The following SLC25A13 variants were observed in gnomAD, a reference collection of about 807,000 sequenced individuals.
The protein encoded by SLC25A13 is electrogenic aspartate/glutamate antiporter SLC25A13, mitochondrial.
SLC25A13 carries 70 observed loss-of-function variants against 85.5 expected under a neutral mutation model. The ratio of observed to expected loss-of-function variants is 0.82; its 90% CI spans 0.68 to 1.00. SLC25A13 has a LOEUF of 1.00. SLC25A13 is among the 50% of genes least tolerant of loss of function. The pLI, the probability that SLC25A13 is intolerant of heterozygous loss-of-function variation, is 0.00. For missense variants in SLC25A13, 765 were observed against 819.8 expected (o/e 0.93, Z 0.82); for synonymous variants, 259 against 288.7 (o/e 0.90, Z 1.04).
chr7:96,232,181 C>A (rs1310940245), intron 4 of SLC25A13, among the ~76,000 whole-genome samples: 7 of 152,038 alleles, frequency 4.6e-5, no homozygotes, highest in Non-Finnish European at 7.4e-5. Context: ...ATGGCATCAA[C>A]CTAAATGCCC....
intron 3 of SLC25A13, among the ~76,000 whole-genome samples, chr7:96,265,717 T>C (rs1472939728): frequency 6.6e-6 from 1 of 152,138 alleles, no homozygotes; most frequent in African/African-American, 2.4e-5. Context: ...GCTTACTCTG[T>C]TTGGATTGGT....
chr7:96,291,542 A>C (rs1445438683), intron 2 of SLC25A13, among the ~76,000 whole-genome samples: 1 of 152,192 alleles, frequency 6.6e-6, no homozygotes, highest in Non-Finnish European at 1.5e-5. Context: ...AAGACTAATA[A>C]AGAAGAAAAG....
In SLC25A13 at chr7:96,304,920, G is replaced by A. The variant is rs137890281; in HGVS notation, c.16-7969C>T. 4.6e-5 allele frequency among the ~76,000 whole-genome samples: 7 copies of A among 152,338 alleles called. No homozygotes were observed. In the East Asian group the frequency reaches 1.2e-3, roughly 25 times the overall value. On this transcript the variant is annotated intron_variant, in intron 1 of 17. Coordinates refer to ENST00000265631, the MANE Select transcript of SLC25A13 (RefSeq NM_014251.3). ...ATGCTATCATAAGGCAGAGTGGCAG[G>A]AGAATTAATACACTAATTCTGCTAA...
At chr7:96,217,464 C>T (rs534163300) in intron 4 of SLC25A13, among the ~76,000 whole-genome samples, 143 of 152,110 alleles carry the variant, frequency 9.4e-4, no homozygotes, top group African/African-American at 3.4e-3. Flanking sequence ...TCATAATAGC[C>T]AAGCACTGGG....
chr7:96,198,015 A>C (rs1795125903), intron 5 of SLC25A13, among the ~76,000 whole-genome samples: 1 of 152,240 alleles, frequency 6.6e-6, no homozygotes, highest in Non-Finnish European at 1.5e-5. Flanking sequence ...AGGTTCCCTG[A>C]CACCAGAAAT....
intron 3 of SLC25A13, among the ~76,000 whole-genome samples, chr7:96,269,991 A>G (rs7781335): frequency 0.98 from 149,700 of 152,270 alleles, 73,624 homozygotes; most frequent in Middle Eastern, 1. Flanking sequence ...AAGGCCCTGG[A>G]GTGATGTTGG....
At chr7:96,284,568 C>T (rs147951673) in intron 2 of SLC25A13, among the ~76,000 whole-genome samples, 372 of 152,298 alleles carry the variant, frequency 2.4e-3, no homozygotes, top group African/African-American at 8.3e-3. Flanking sequence ...AGACTATATA[C>T]TTCTAAACAG....
intron 2 of SLC25A13, among the ~76,000 whole-genome samples, chr7:96,291,142 A>T (rs982582831): frequency 6.6e-5 from 10 of 152,168 alleles, no homozygotes; most frequent in African/African-American, 2.2e-4. Flanking sequence ...AAACCACTCA[A>T]CTACATGGAA....
intron 7 of SLC25A13, among the ~76,000 whole-genome samples, chr7:96,190,498 C>T (rs899608340): frequency 4.6e-5 from 7 of 152,148 alleles, no homozygotes; most frequent in Non-Finnish European, 7.4e-5. Flanking sequence ...TCATATACAC[C>T]TGAAGGCTTC....
intron 4 of SLC25A13, among the ~76,000 whole-genome samples, chr7:96,223,744 T>A (rs1381896848): frequency 1.4e-5 from 2 of 141,888 alleles, no homozygotes; most frequent in African/African-American, 5.3e-5. Flanking sequence ...GCCGAGATTG[T>A]GCCACTGCAC....
chr7:96,208,285 A>G (rs1184603824), intron 5 of SLC25A13, among the ~76,000 whole-genome samples: 1 of 152,186 alleles, frequency 6.6e-6, no homozygotes. Context: ...CCTTCTAAAC[A>G]TGGAGGAGTT....
At chr7:96,236,625 G>T (rs1338005074) in intron 3 of SLC25A13, among the ~76,000 whole-genome samples, 1 of 152,146 alleles carries the variant, frequency 6.6e-6, no homozygotes, top group Admixed American at 6.5e-5. Flanking sequence ...AACGGAAACT[G>T]GAAAAAGTTA....
At chr7:96,177,051 CTATT>C (rs1168795614) in intron 11 of SLC25A13, among the ~76,000 whole-genome samples, 27 of 152,188 alleles carry the variant, frequency 1.8e-4, no homozygotes, top group African/African-American at 5.6e-4. Context: ...GAACCAGACA[CTATT>C]TACCTCATAT....
rs1244207348 is a variant in SLC25A13, at chr7:96,131,870, T to G, written c.1464A>C (p.Ala488=). ...AGAAAGGAATGTCCCGCAGAAAGCA[T>G]GCTTTGGCACCCTGCACATTTGCAA... ...GFFGIYKGAK[A]CFLRDIPFSA... Residue 488 remains alanine (A), a synonymous_variant, in exon 15 of 18, where the codon GCA becomes GCC. Coordinates refer to ENST00000265631, the MANE Select transcript of SLC25A13 (RefSeq NM_014251.3). 7.4e-6 allele frequency: 12 copies of G among 1,613,978 alleles called. No individual in the cohort carries two copies. The highest frequency in any genetic ancestry group is 1.0e-5 in the Non-Finnish European group (12 of 1,179,994).
At chr7:96,229,654 C>T (rs368304348) in intron 4 of SLC25A13, among the ~76,000 whole-genome samples, 6 of 152,246 alleles carry the variant, frequency 3.9e-5, no homozygotes, top group East Asian at 1.9e-4. Context: ...ACGAACCCAC[C>T]GGGAGGTATG....
At chr7:96,184,624 A>G in intron 10 of SLC25A13, 189 bp from the exon 11 acceptor site, 1 of 655,486 alleles carries the variant, frequency 1.5e-6, no homozygotes, top group Non-Finnish European at 2.6e-6. Flanking sequence ...AGTATCCCCT[A>G]ATAAAAGGAT....
intron 13 of SLC25A13, among the ~76,000 whole-genome samples, chr7:96,165,604 G>C (rs551748240): frequency 4.6e-5 from 7 of 152,300 alleles, no homozygotes; most frequent in African/African-American, 1.7e-4. Flanking sequence ...AATCATATGA[G>C]GTGTTCCTAG....
chr7:96,205,188 G>GT (rs1379417157), intron 5 of SLC25A13, among the ~76,000 whole-genome samples: 2 of 152,124 alleles, frequency 1.3e-5, no homozygotes, highest in Non-Finnish European at 2.9e-5. Context: ...GATTACAGGC[G>GT]TGAGCCACCA....
chr7:96,278,225 G>C (rs1382296287), intron 2 of SLC25A13, among the ~76,000 whole-genome samples: 1 of 152,078 alleles, frequency 6.6e-6, no homozygotes, highest in Non-Finnish European at 1.5e-5. Flanking sequence ...TTGATCCTGG[G>C]GACAAAGCAG....
Sources: gnomAD v4.1 joint callset for allele counts (sites outside exome capture counted in the v4.1 genomes callset) on GRCh38, gnomAD v4.1.1 for gene constraint, MANE v1.5 for transcripts, NCBI Gene and HGNC (gene_info 2026-07-23, HGNC 2026-07-21) for gene names.